The following ADAMTS12 variants were observed in gnomAD, a reference collection of about 807,000 sequenced individuals.
ADAMTS12 encodes A disintegrin and metalloproteinase with thrombospondin motifs 12.
ADAMTS12 carries 118 observed loss-of-function variants against 167.8 expected under a neutral mutation model. The observed-to-expected ratio is 0.70, with a 90% CI of 0.61 to 0.82. The LOEUF (loss-of-function observed/expected upper bound fraction) is 0.82. Among genes scored for constraint, ADAMTS12 ranks in the 40% least tolerant of loss-of-function variants. ADAMTS12 has a pLI of 0.00. For missense variants in ADAMTS12, 1,916 were observed against 1,998.8 expected, an observed-to-expected ratio of 0.96 and a Z score of 0.79; for synonymous variants, 704 against 716.9, an observed-to-expected ratio of 0.98 and a Z score of 0.29.
intron 3 of ADAMTS12, among the ~76,000 whole-genome samples, chr5:33,749,761 T>A (rs746871305): frequency 1.4e-4 from 22 of 152,308 alleles, no homozygotes; most frequent in Non-Finnish European, 2.4e-4. Flanking sequence ...TAGGGGGCCA[T>A]GATAGTTGTA....
intron 2 of ADAMTS12, among the ~76,000 whole-genome samples, chr5:33,878,244 A>G (rs1282162190): frequency 6.6e-6 from 1 of 151,610 alleles, no homozygotes; most frequent in Non-Finnish European, 1.5e-5. Context: ...TAGTGCACAC[A>G]CAGAAAGGAA....
chr5:33,812,473 C>T lies in ADAMTS12; in HGVS notation c.490-60925G>A, dbSNP rs182936241. Reference sequence around the variant, plus strand: ...CATACCAAGTTACTCACCTCAAGATCAAAAAGAGAATATTCTGTCCAACAG... The same window carrying T: ...CATACCAAGTTACTCACCTCAAGATTAAAAAGAGAATATTCTGTCCAACAG... On this transcript the variant is annotated intron_variant, in intron 2 of 23. Transcript: ENST00000504830. 1.3e-4 allele frequency among the ~76,000 whole-genome samples: 20 copies of T among 152,282 alleles called. No individual in the cohort carries two copies. In the East Asian group the frequency reaches 3.7e-3, roughly 28 times the overall value.
At chr5:33,730,326 G>C (rs973445326) in intron 3 of ADAMTS12, among the ~76,000 whole-genome samples, 4 of 150,598 alleles carry the variant, frequency 2.7e-5, no homozygotes, top group Non-Finnish European at 4.4e-5. Flanking sequence ...GTGTGTCTGT[G>C]TGTGTGTTTC....
intron 2 of ADAMTS12, among the ~76,000 whole-genome samples, chr5:33,787,991 G>A (rs572227049): frequency 6.6e-6 from 1 of 152,250 alleles, no homozygotes; most frequent in African/African-American, 2.4e-5. Context: ...TCACTCAAAC[G>A]GGAGGGAAAT....
chr5:33,866,567 A>T (rs1411298325), intron 2 of ADAMTS12, among the ~76,000 whole-genome samples: 2 of 152,212 alleles, frequency 1.3e-5, no homozygotes, highest in Non-Finnish European at 2.9e-5. Context: ...CCCCAAAAGC[A>T]AATGCAACAA....
chr5:33,711,679 C>T (rs1017774499), intron 3 of ADAMTS12, among the ~76,000 whole-genome samples: 1 of 152,110 alleles, frequency 6.6e-6, no homozygotes, highest in Non-Finnish European at 1.5e-5. Context: ...ATCATTGCTT[C>T]CCTCATCGCT....
chr5:33,610,089 G>A (rs1738652165), intron 16 of ADAMTS12, among the ~76,000 whole-genome samples: 1 of 152,220 alleles, frequency 6.6e-6, no homozygotes, highest in Non-Finnish European at 1.5e-5. Context: ...TGAGACAAGA[G>A]AGAATCACTT....
chr5:33,665,917 G>A (rs915671789), intron 5 of ADAMTS12, among the ~76,000 whole-genome samples: 3 of 152,118 alleles, frequency 2.0e-5, no homozygotes, highest in Admixed American at 6.5e-5. Flanking sequence ...TTCACACTTC[G>A]GCTACAACAG....
At chr5:33,827,382 C>T (rs1165575482) in intron 2 of ADAMTS12, among the ~76,000 whole-genome samples, 2 of 151,962 alleles carry the variant, frequency 1.3e-5, no homozygotes, top group African/African-American at 4.8e-5. Context: ...AGCTTAGAAA[C>T]GGACTTCTCC....
At chr5:33,579,418 T>C (rs750803) in intron 18 of ADAMTS12, among the ~76,000 whole-genome samples, 54,189 of 152,110 alleles carry the variant, frequency 0.36, 9,930 homozygotes, top group East Asian at 0.63. Context: ...TTAGACTAGA[T>C]AGTAACATAA....
chr5:33,705,900 CAT>C (rs1743185807), intron 3 of ADAMTS12, among the ~76,000 whole-genome samples: 1 of 152,022 alleles, frequency 6.6e-6, no homozygotes, highest in Admixed American at 6.6e-5. Context: ...AAAAATATAA[CAT>C]ATCTAGAAAT....
At chr5:33,655,563 T>G in intron 7 of ADAMTS12, among the ~76,000 whole-genome samples, 1 of 151,818 alleles carries the variant, frequency 6.6e-6, no homozygotes, top group South Asian at 2.1e-4. Context: ...TCCTTTACCT[T>G]CCACATAAAT....
At chr5:33,555,787 T>C (rs952853699) in intron 20 of ADAMTS12, among the ~76,000 whole-genome samples, 3 of 152,254 alleles carry the variant, frequency 2.0e-5, no homozygotes, top group Non-Finnish European at 4.4e-5. Flanking sequence ...TCCTGTATTA[T>C]GGTAAAAATA....
At chr5:33,599,437 C>G (rs1388061673) in intron 16 of ADAMTS12, among the ~76,000 whole-genome samples, 1 of 152,150 alleles carries the variant, frequency 6.6e-6, no homozygotes, top group East Asian at 1.9e-4. Context: ...CACTGTGCCC[C>G]CTTCTCTTCC....
intron 3 of ADAMTS12, among the ~76,000 whole-genome samples, chr5:33,688,461 T>C (rs1186992280): frequency 6.9e-6 from 1 of 144,996 alleles, no homozygotes; most frequent in Admixed American, 6.9e-5. Context: ...TCCTAGAAGA[T>C]CCCTGGAAAA....
At chr5:33,761,062 A>G (rs1745338878) in intron 2 of ADAMTS12, among the ~76,000 whole-genome samples, 1 of 152,250 alleles carries the variant, frequency 6.6e-6, no homozygotes, top group Non-Finnish European at 1.5e-5. Flanking sequence ...GAACAATGGG[A>G]GAGAACCTGT....
intron 2 of ADAMTS12, among the ~76,000 whole-genome samples, chr5:33,760,762 G>A (rs1029840514): frequency 3.3e-5 from 5 of 152,142 alleles, no homozygotes; most frequent in African/African-American, 1.2e-4. Context: ...GCTCTTTGAA[G>A]CCCTGAGCAA....
chr5:33,528,740 G>C (rs866229952), intron 23 of ADAMTS12, among the ~76,000 whole-genome samples: 2 of 152,102 alleles, frequency 1.3e-5, no homozygotes, highest in Non-Finnish European at 2.9e-5. Flanking sequence ...CCAACAACCC[G>C]TCAGCAAAAT....
intron 2 of ADAMTS12, among the ~76,000 whole-genome samples, chr5:33,814,954 G>C (rs909406951): frequency 1.3e-5 from 2 of 152,144 alleles, no homozygotes; most frequent in African/African-American, 4.8e-5. Context: ...GGAGTAATGA[G>C]AGACAGTGAT....
Sources: allele counts gnomAD v4.1 joint callset (sites outside exome capture counted in the v4.1 genomes callset), GRCh38; gene constraint gnomAD v4.1.1; transcripts MANE v1.5; gene names NCBI Gene and HGNC (gene_info 2026-07-23, HGNC 2026-07-21).